The following PTPRM variants were observed in gnomAD, a reference collection of about 807,000 sequenced individuals.
PTPRM encodes the protein receptor-type tyrosine-protein phosphatase mu.
A neutral mutation model predicts 186.7 loss-of-function variants in PTPRM; 47 were observed. The observed-to-expected ratio is 0.25, with a 90% CI of 0.20 to 0.32. The LOEUF is 0.32. PTPRM is among the 10% of genes least tolerant of loss of function. The pLI, the probability that PTPRM is intolerant of heterozygous loss-of-function variation, is 1.00. For missense variants in PTPRM, 1,494 were observed against 1,865.0 expected (o/e 0.80, Z 3.66); for synonymous variants, 668 against 674.9 (o/e 0.99, Z 0.16).
intron 1 of PTPRM, among the ~76,000 whole-genome samples, chr18:7,674,180 T>G (rs1250850592): frequency 6.6e-6 from 1 of 152,168 alleles, no homozygotes; most frequent in Non-Finnish European, 1.5e-5. Flanking sequence ...AAAAAAACAC[T>G]GATGGTGGGT....
intron 19 of PTPRM, among the ~76,000 whole-genome samples, chr18:8,288,052 G>A (rs1175262240): frequency 2.0e-5 from 3 of 152,142 alleles, no homozygotes; most frequent in Non-Finnish European, 4.4e-5. Context: ...TCAAGAGATA[G>A]GCAACTCAAA....
chr18:7,925,442 T>G (rs1012678299), intron 4 of PTPRM, among the ~76,000 whole-genome samples: 5 of 152,220 alleles, frequency 3.3e-5, no homozygotes, highest in Admixed American at 6.5e-5. Context: ...TTCTTTGTTC[T>G]GAAGTAGTAA....
chr18:7,615,649 C>G (rs982224175), intron 1 of PTPRM, among the ~76,000 whole-genome samples: 15 of 152,158 alleles, frequency 9.9e-5, no homozygotes, highest in African/African-American at 3.4e-4. Flanking sequence ...CAGGCCTCAA[C>G]ATTTTTGGCA....
At chr18:7,608,206 A>G (rs1255483262) in intron 1 of PTPRM, among the ~76,000 whole-genome samples, 1 of 152,174 alleles carries the variant, frequency 6.6e-6, no homozygotes, top group African/African-American at 2.4e-5. Context: ...TATTGAGATG[A>G]CTTGGGAAAA....
intron 14 of PTPRM, among the ~76,000 whole-genome samples, chr18:8,202,607 TAAG>T (rs1328626306): frequency 6.6e-6 from 1 of 152,056 alleles, no homozygotes; most frequent in Non-Finnish European, 1.5e-5. Context: ...TTTTTAATGG[TAAG>T]AAATTGGCAG....
chr18:8,237,529 A>C (rs1209722551), intron 14 of PTPRM, among the ~76,000 whole-genome samples: 2 of 144,396 alleles, frequency 1.4e-5, no homozygotes, highest in Non-Finnish European at 3.0e-5. Flanking sequence ...GCTCACTGCA[A>C]CCTCAACCTC....
At chr18:7,639,187 G>T (rs776570201) in intron 1 of PTPRM, among the ~76,000 whole-genome samples, 1 of 152,092 alleles carries the variant, frequency 6.6e-6, no homozygotes, top group South Asian at 2.1e-4. Context: ...CCATTCTCCT[G>T]CCTCAGCCTC....
chr18:8,189,299 A>AAT (rs1383581204), intron 14 of PTPRM, among the ~76,000 whole-genome samples: 1 of 151,556 alleles, frequency 6.6e-6, no homozygotes, highest in African/African-American at 2.4e-5. Flanking sequence ...AAAAAAAAAA[A>AAT]AAAAAGGTCT....
In PTPRM at chr18:8,394,621, C is replaced by G. The variant is rs1395186619; in HGVS notation, c.4344+10C>G. 5.0e-6 allele frequency: 8 copies of G among 1,601,060 alleles called. No individual in the cohort carries two copies. Among genetic ancestry groups the G allele is most frequent in the Non-Finnish European group, 6.8e-6 (8 of 1,172,768 alleles). On this transcript the variant is annotated intron_variant, in intron 32 of 32. Coordinates refer to ENST00000580170, the MANE Select transcript of PTPRM (RefSeq NM_001105244.2). ...CATGGTCGACCTCCTGGTAGGACAC[C>G]CCCTCTGAGCTGTTCCATGAGACAC...
At chr18:8,126,027 A>ATATATATATATATATTTTTTTTT (rs57751538) in intron 13 of PTPRM, among the ~76,000 whole-genome samples, 1 of 69,538 alleles carries the variant, frequency 1.4e-5, no homozygotes, top group African/African-American at 4.7e-5. Flanking sequence ...ATATATATAT[A>ATATATATATATATATTTTTTTTT]TTTTAAATCA....
At chr18:7,914,837 GTGA>G (rs1332921090) in intron 4 of PTPRM, among the ~76,000 whole-genome samples, 3 of 152,132 alleles carry the variant, frequency 2.0e-5, no homozygotes, top group Admixed American at 2.0e-4. Context: ...TTCCTTGTTT[GTGA>G]TGATATGTTA....
At position 7,706,254 on chromosome 18, in the gene PTPRM, TG is replaced by T. The variant is rs201961295; in HGVS notation, c.74-67891del. ...GAGGCAATAAAGAGGGTTTTCTGGA[TG>T]GGGTCAGTTTTTAATTCCTTATTGA... On this transcript the variant is annotated intron_variant, in intron 1 of 32. Transcript: ENST00000580170. Among the ~76,000 whole-genome samples, 68 of 151,528 alleles carry T rather than the reference TG, an allele frequency of 4.5e-4. 1 individual carries two copies. The East Asian group carries it at 0.013, about 28-fold the overall frequency.
At chr18:7,842,930 G>GTATATATATATATATATA (rs1555616949) in intron 2 of PTPRM, among the ~76,000 whole-genome samples, 2 of 100,930 alleles carry the variant, frequency 2.0e-5, no homozygotes, top group East Asian at 3.6e-4. Flanking sequence ...GTGTGTGTGT[G>GTATATATATATATATATA]TATATATATA....
intron 1 of PTPRM, among the ~76,000 whole-genome samples, chr18:7,673,279 T>A (rs2039260486): frequency 6.6e-6 from 1 of 152,160 alleles, no homozygotes; most frequent in African/African-American, 2.4e-5. Context: ...AAGCTAGATG[T>A]GGAATATACA....
chr18:8,379,062 G>A (rs1407143171), intron 27 of PTPRM, 105 bp from the exon 28 acceptor site: 9 of 919,656 alleles, frequency 9.8e-6, no homozygotes, highest in Admixed American at 5.8e-5. Flanking sequence ...GGAAGGGACC[G>A]TCTTGCAGTC....
chr18:8,049,710 G>GTTTTTTT (rs371227331), intron 7 of PTPRM, among the ~76,000 whole-genome samples: 2 of 145,978 alleles, frequency 1.4e-5, no homozygotes, highest in Non-Finnish European at 1.5e-5. Flanking sequence ...AGTCTGTGAG[G>GTTTTTTT]TTTTTTTTTT....
intron 4 of PTPRM, among the ~76,000 whole-genome samples, chr18:7,923,386 G>A (rs1461374318): frequency 2.0e-5 from 3 of 152,284 alleles, no homozygotes; most frequent in South Asian, 2.1e-4. Context: ...GGAAGGCGGC[G>A]GGGGTTGGTC....
intron 1 of PTPRM, among the ~76,000 whole-genome samples, chr18:7,647,295 C>T (rs2038588554): frequency 6.6e-6 from 1 of 152,150 alleles, no homozygotes; most frequent in Non-Finnish European, 1.5e-5. Flanking sequence ...CAGATTATTT[C>T]TGCAATGTGT....
At chr18:8,200,362 G>A (rs544116387) in intron 14 of PTPRM, among the ~76,000 whole-genome samples, 1 of 152,094 alleles carries the variant, frequency 6.6e-6, no homozygotes, top group African/African-American at 2.4e-5. Context: ...CAGGGTGGGG[G>A]CACGACCCTG....
Sources: allele counts gnomAD v4.1 joint callset (sites outside exome capture counted in the v4.1 genomes callset), GRCh38; gene constraint gnomAD v4.1.1; transcripts MANE v1.5; gene names NCBI Gene and HGNC (gene_info 2026-07-23, HGNC 2026-07-21).